Variants in CACHD1 observed in about 807,000 individuals in gnomAD.
CACHD1 encodes the protein VWFA and cache domain-containing protein 1.
A neutral mutation model predicts 138.7 loss-of-function variants in CACHD1; 71 were observed. The ratio of observed to expected loss-of-function variants is 0.51; its 90% CI spans 0.42 to 0.62. The LOEUF is 0.62. CACHD1 is among the 20% of genes least tolerant of loss of function. The probability of loss-of-function intolerance (pLI) is 0.00; values close to 1 mark genes in which losing one functional copy is unlikely to be tolerated. For missense variants in CACHD1, 1,389 were observed against 1,625.3 expected (o/e 0.85, Z 2.50); for synonymous variants, 578 against 591.5 (o/e 0.98, Z 0.33).
At chr1:64,637,439 T>C (rs1382567609) in intron 7 of CACHD1, among the ~76,000 whole-genome samples, 1 of 152,214 alleles carries the variant, frequency 6.6e-6, no homozygotes, top group Admixed American at 6.5e-5. Flanking sequence ...ATCTGGATTT[T>C]CATGTGAAAT....
chr1:64,605,894 T>C (rs572975943), intron 4 of CACHD1, among the ~76,000 whole-genome samples: 1 of 152,342 alleles, frequency 6.6e-6, no homozygotes, highest in Admixed American at 6.5e-5. Context: ...TTATGGACTT[T>C]AGCTTTTGCT....
At chr1:64,483,818 G>C (rs938198050) in intron 1 of CACHD1, among the ~76,000 whole-genome samples, 14 of 151,480 alleles carry the variant, frequency 9.2e-5, no homozygotes, top group Non-Finnish European at 7.4e-5. Flanking sequence ...CTTCACAGCT[G>C]TATGTGATCT....
At position 64,503,090 on chromosome 1, in the gene CACHD1, C is replaced by T. The variant is rs548059210; in HGVS notation, c.198+32148C>T. 4.6e-5 allele frequency among the ~76,000 whole-genome samples: 7 copies of T among 152,214 alleles called. No homozygotes were observed. The South Asian group carries it at 1.5e-3, about 32-fold the overall frequency. On this transcript the variant is annotated intron_variant, in intron 1 of 26. Coordinates refer to ENST00000651257, the MANE Select transcript of CACHD1 (RefSeq NM_020925.4). ...GTTAAACAATTGAAACAGGAAATGA[C>T]CCAAGATACAGTTTCCATGACACCC...
intron 9 of CACHD1, among the ~76,000 whole-genome samples, chr1:64,651,166 AC>A (rs765685187): frequency 1.7e-4 from 26 of 152,154 alleles, no homozygotes; most frequent in South Asian, 4.1e-4. Context: ...TTATAAAAAA[AC>A]AACAACAAAA....
At chr1:64,587,619 A>G (rs1356634121) in intron 3 of CACHD1, among the ~76,000 whole-genome samples, 1 of 152,242 alleles carries the variant, frequency 6.6e-6, no homozygotes, top group Non-Finnish European at 1.5e-5. Flanking sequence ...AAGAATTTGC[A>G]TTCTTCAATA....
chr1:64,640,997 CAG>C (rs551615910), intron 7 of CACHD1, among the ~76,000 whole-genome samples: 37 of 152,174 alleles, frequency 2.4e-4, no homozygotes, highest in Middle Eastern at 3.4e-3. Flanking sequence ...ACTTCTAACT[CAG>C]GGGTGCTCCT....
At chr1:64,477,576 T>C (rs115482050) in intron 1 of CACHD1, among the ~76,000 whole-genome samples, 2,063 of 148,710 alleles carry the variant, frequency 0.014, 37 homozygotes, top group African/African-American at 0.036. Context: ...CACTTGCTCT[T>C]CCCCCCAGAT....
At chr1:64,685,919 C>T (rs966216813) in intron 26 of CACHD1, among the ~76,000 whole-genome samples, 9 of 151,898 alleles carry the variant, frequency 5.9e-5, no homozygotes, top group East Asian at 1.9e-4. Context: ...ATGATAGGCA[C>T]GGTGCTCAGG....
chr1:64,480,992 C>T (rs1302049136), intron 1 of CACHD1, among the ~76,000 whole-genome samples: 1 of 151,520 alleles, frequency 6.6e-6, no homozygotes, highest in Non-Finnish European at 1.5e-5. Flanking sequence ...TGTTTCTTTA[C>T]CTTGCCCTCT....
intron 1 of CACHD1, among the ~76,000 whole-genome samples, chr1:64,496,619 A>G (rs1403256436): frequency 1.3e-5 from 2 of 152,204 alleles, no homozygotes; most frequent in African/African-American, 4.8e-5. Context: ...GGGTGAAACT[A>G]GAGTGTGTTC....
intron 1 of CACHD1, among the ~76,000 whole-genome samples, chr1:64,541,969 ATAG>A (rs1372869843): frequency 1.3e-5 from 2 of 152,174 alleles, no homozygotes; most frequent in Admixed American, 1.3e-4. Context: ...AAATAGAATA[ATAG>A]TAGACTATCA....
At chr1:64,633,456 G>C (rs147285500) in intron 6 of CACHD1, among the ~76,000 whole-genome samples, 1 of 152,142 alleles carries the variant, frequency 6.6e-6, no homozygotes, top group Non-Finnish European at 1.5e-5. Flanking sequence ...GAGGAGGAGA[G>C]GGGTGGGAGA....
intron 2 of CACHD1, among the ~76,000 whole-genome samples, chr1:64,578,242 T>G (rs1557502582): frequency 6.6e-6 from 1 of 152,222 alleles, no homozygotes; most frequent in Non-Finnish European, 1.5e-5. Context: ...CTTTGTGGCT[T>G]TGGGCTCATC....
chr1:64,643,094 T>G (rs796243868), intron 8 of CACHD1, among the ~76,000 whole-genome samples: 5 of 136,814 alleles, frequency 3.7e-5, no homozygotes, highest in African/African-American at 1.3e-4. Context: ...TCAAGCAGTC[T>G]TTCCCACCTA....
chr1:64,586,034 G>T (rs568569686), intron 3 of CACHD1, among the ~76,000 whole-genome samples: 19 of 152,202 alleles, frequency 1.2e-4, no homozygotes, highest in South Asian at 8.3e-4. Flanking sequence ...AACAGCTGGG[G>T]TGCCTGCTGA....
intron 1 of CACHD1, among the ~76,000 whole-genome samples, chr1:64,492,462 A>G (rs1248062046): frequency 1.3e-5 from 2 of 149,404 alleles, no homozygotes; most frequent in Non-Finnish European, 3.0e-5. Flanking sequence ...TGGGTACATT[A>G]ATGCCATTGG....
chr1:64,544,968 G>A (rs902795925), intron 1 of CACHD1, among the ~76,000 whole-genome samples: 3 of 152,052 alleles, frequency 2.0e-5, no homozygotes, highest in African/African-American at 4.8e-5. Flanking sequence ...TGTAGCCTCG[G>A]GGAAGGCTCA....
Position 64,664,593 on chromosome 1 carries a change from C to T in CACHD1, c.2190C>T (p.Arg730=). Reference sequence around the variant, plus strand: ...GTAGCCTGAACACTTACATTGTCCGCCGTTACATAGCAACACCCAATGGCG... The same window carrying T: ...GTAGCCTGAACACTTACATTGTCCGTCGTTACATAGCAACACCCAATGGCG... ...EMSSLNTYIV[R]RYIATPNGVL... Residue 730 remains arginine, a synonymous_variant, in exon 15 of 27, where the codon CGC becomes CGT. Coordinates refer to ENST00000651257, the MANE Select transcript of CACHD1 (RefSeq NM_020925.4). The T allele has an allele frequency of 6.2e-7, 1 of 1,614,176 alleles. No individual in the cohort carries two copies. The highest frequency in any genetic ancestry group is 1.3e-5 in the African/African-American group (1 of 75,044).
intron 6 of CACHD1, 92 bp downstream of exon 6, chr1:64,632,835 C>A: frequency 7.1e-7 from 1 of 1,404,242 alleles, no homozygotes; most frequent in Non-Finnish European, 9.9e-7. Flanking sequence ...ACAGATCCTC[C>A]TTGACTTACA....
Sources: allele counts gnomAD v4.1 joint callset (sites outside exome capture counted in the v4.1 genomes callset), GRCh38; gene constraint gnomAD v4.1.1; transcripts MANE v1.5; gene names NCBI Gene and HGNC (gene_info 2026-07-23, HGNC 2026-07-21).